The following CSMD3 variants were observed in gnomAD, a reference collection of about 807,000 sequenced individuals.
CSMD3 encodes CUB and sushi domain-containing protein 3.
A neutral mutation model predicts 435.2 loss-of-function variants in CSMD3; 177 were observed. The ratio of observed to expected loss-of-function variants is 0.41; its 90% CI spans 0.36 to 0.46. The LOEUF is 0.46. Ranked by LOEUF, CSMD3 falls within the 20% of genes least tolerant of loss-of-function variation. The pLI, the probability that CSMD3 is intolerant of heterozygous loss-of-function variation, is 0.34. For synonymous variants in CSMD3, 1,656 were observed against 1,520.5 expected, an observed-to-expected ratio of 1.09 and a Z score of -2.07; for missense variants, 4,265 against 4,504.6, an observed-to-expected ratio of 0.95 and a Z score of 1.52.
intron 30 of CSMD3, among the ~76,000 whole-genome samples, chr8:112,503,446 A>C (rs1162207775): frequency 1.3e-5 from 2 of 152,202 alleles, no homozygotes; most frequent in African/African-American, 4.8e-5. Flanking sequence ...AGTGTTCATC[A>C]AATTAAGGTA....
chr8:112,741,879 A>T (rs1198616643), intron 13 of CSMD3, among the ~76,000 whole-genome samples: 1 of 151,920 alleles, frequency 6.6e-6, no homozygotes, highest in Non-Finnish European at 1.5e-5. Context: ...AATAAGAATT[A>T]AAATTAGAGA....
At chr8:113,421,191 T>C (rs187276430) in intron 1 of CSMD3, among the ~76,000 whole-genome samples, 7 of 152,224 alleles carry the variant, frequency 4.6e-5, no homozygotes, top group African/African-American at 1.7e-4. Context: ...GATCAAAATA[T>C]TGGCAAATAG....
intron 1 of CSMD3, among the ~76,000 whole-genome samples, chr8:113,383,012 A>C (rs538351088): frequency 8.0e-5 from 12 of 150,904 alleles, no homozygotes; most frequent in African/African-American, 3.0e-4. Context: ...GTAATAAATA[A>C]ACAGTTGTTA....
At chr8:112,620,300 T>G (rs926404467) in intron 22 of CSMD3, among the ~76,000 whole-genome samples, 1 of 152,148 alleles carries the variant, frequency 6.6e-6, no homozygotes, top group African/African-American at 2.4e-5. Flanking sequence ...AACCGTATGT[T>G]AAATTATTCC....
chr8:112,240,573 T>G (rs1386505523), intron 66 of CSMD3, among the ~76,000 whole-genome samples: 6 of 152,120 alleles, frequency 3.9e-5, no homozygotes, highest in African/African-American at 1.4e-4. Context: ...TAGATCCTAA[T>G]GTAGTTCTTG....
chr8:113,022,858 G>A (rs1398530032), intron 5 of CSMD3, among the ~76,000 whole-genome samples: 1 of 151,792 alleles, frequency 6.6e-6, no homozygotes, highest in African/African-American at 2.4e-5. Flanking sequence ...ATAATACAGA[G>A]TAACTTATAA....
intron 51 of CSMD3, 87 bp downstream of exon 51, chr8:112,305,920 G>T (rs1821375518): frequency 4.3e-6 from 5 of 1,173,690 alleles, no homozygotes; most frequent in Non-Finnish European, 6.4e-6. Flanking sequence ...TTAGGGATTG[G>T]TTTTTATAAT....
At position 112,556,915 on chromosome 8, in the gene CSMD3, T is replaced by C. The variant is rs1258520370; in HGVS notation, c.4082A>G (p.Gln1361Arg). 3.7e-6 allele frequency: 6 copies of C among 1,612,214 alleles called. No individual in the cohort carries two copies. Among genetic ancestry groups the C allele is most frequent in the Admixed American group, 1.7e-5 (1 of 59,742 alleles). Reference protein sequence around the residue: ...LSHCEDPGIPQFGYKISDQGH... With the variant: ...LSHCEDPGIPRFGYKISDQGH... ...TTGGTCACTGATCTTGTATCCAAAT[T>C]GTGGAATGCCAGGATCTTCACAGTG... Residue 1361 changes from glutamine (Q) to arginine (R), a missense_variant, in exon 25 of 71, where the codon CAA (glutamine) becomes CGA (arginine). Gln to Arg is a conservative substitution (Grantham distance 43, BLOSUM62 1). Around this residue, in one of 3 missense-constraint regions of CSMD3, gnomAD observed 3,255 missense variants for 3,380.2 expected, o/e 0.96. Coordinates refer to ENST00000297405, the MANE Select transcript of CSMD3 (RefSeq NM_198123.2).
At chr8:112,741,076 C>T in intron 13 of CSMD3, among the ~76,000 whole-genome samples, 1 of 151,800 alleles carries the variant, frequency 6.6e-6, no homozygotes, top group South Asian at 2.1e-4. Context: ...CTGTAGTGAA[C>T]TTCTCTAACA....
intron 6 of CSMD3, among the ~76,000 whole-genome samples, chr8:112,990,081 G>T (rs569269283): frequency 6.6e-6 from 1 of 152,044 alleles, no homozygotes; most frequent in African/African-American, 2.4e-5. Flanking sequence ...TGATTGTGAG[G>T]CCTCCCCAGC....
chr8:113,382,031 C>T (rs901675929), intron 1 of CSMD3, among the ~76,000 whole-genome samples: 1 of 151,970 alleles, frequency 6.6e-6, no homozygotes, highest in Non-Finnish European at 1.5e-5. Flanking sequence ...CTCAATATTG[C>T]TTGAGAATTT....
intron 10 of CSMD3, among the ~76,000 whole-genome samples, chr8:112,860,042 TATGCACTTAA>T (rs2080780482): frequency 6.6e-6 from 1 of 151,866 alleles, no homozygotes; most frequent in African/African-American, 2.4e-5. Context: ...TATATTTTCA[TATGCACTTAA>T]ATCTGTACAT....
At chr8:113,248,866 G>T (rs2093306811) in intron 3 of CSMD3, among the ~76,000 whole-genome samples, 1 of 151,748 alleles carries the variant, frequency 6.6e-6, no homozygotes, top group South Asian at 2.1e-4. Context: ...TTTTTTTAAT[G>T]TAACGGCGAT....
chr8:112,599,073 T>G (rs1244956920), intron 22 of CSMD3, among the ~76,000 whole-genome samples: 12 of 145,972 alleles, frequency 8.2e-5, no homozygotes, highest in African/African-American at 2.3e-4. Flanking sequence ...ACCATCAGAG[T>G]GAACAGGCAA....
chr8:112,432,266 A>G (rs1813801212), intron 32 of CSMD3, among the ~76,000 whole-genome samples: 1 of 152,116 alleles, frequency 6.6e-6, no homozygotes. Context: ...GATTGCACAA[A>G]CTGAAGGTCA....
chr8:113,124,254 T>C (rs1229388599), intron 4 of CSMD3, among the ~76,000 whole-genome samples: 1 of 151,982 alleles, frequency 6.6e-6, no homozygotes, highest in Non-Finnish European at 1.5e-5. Context: ...AGGTCCTTCA[T>C]GGTTTGCTAA....
At chr8:113,004,668 C>T (rs2085990265) in intron 6 of CSMD3, among the ~76,000 whole-genome samples, 1 of 151,814 alleles carries the variant, frequency 6.6e-6, no homozygotes, top group South Asian at 2.1e-4. Flanking sequence ...AATAGTCTAA[C>T]ACAATGAAAA....
chr8:112,381,218 C>A (rs545779296), intron 37 of CSMD3, among the ~76,000 whole-genome samples: 1 of 152,102 alleles, frequency 6.6e-6, no homozygotes, highest in Non-Finnish European at 1.5e-5. Context: ...ACCCTGACAG[C>A]AAAGCTGGTA....
intron 1 of CSMD3, among the ~76,000 whole-genome samples, chr8:113,371,062 T>C (rs1362973792): frequency 6.6e-6 from 1 of 152,112 alleles, no homozygotes; most frequent in Non-Finnish European, 1.5e-5. Context: ...CTCTCTACTT[T>C]TGCATATATT....
Sources: gnomAD v4.1 joint callset for allele counts (sites outside exome capture counted in the v4.1 genomes callset) on GRCh38, gnomAD v4.1.1 for gene constraint, gnomAD v4.1.1 regional missense constraint, MANE v1.5 for transcripts, NCBI Gene and HGNC (gene_info 2026-07-23, HGNC 2026-07-21) for gene names.